The following TMEM63C variants were observed in gnomAD, a reference collection of about 807,000 sequenced individuals.
The protein encoded by TMEM63C is osmosensitive cation channel TMEM63C.
TMEM63C carries 32 observed loss-of-function variants against 99.2 expected under a neutral mutation model. The ratio of observed to expected loss-of-function variants is 0.32; its 90% CI spans 0.24 to 0.43. The LOEUF (loss-of-function observed/expected upper bound fraction) is 0.43, where lower values mean the gene tolerates loss of function less well. Ranked by LOEUF, TMEM63C falls within the 20% of genes least tolerant of loss-of-function variation. The probability of loss-of-function intolerance (pLI) is 1.00; values close to 1 mark genes in which losing one functional copy is unlikely to be tolerated. For synonymous variants in TMEM63C, 376 were observed against 397.9 expected (o/e 0.94, Z 0.66); for missense variants, 826 against 1,053.0 (o/e 0.78, Z 2.98).
At position 77,231,722 on chromosome 14, in the gene TMEM63C, C is replaced by T; in HGVS notation, c.485C>T (p.Ser162Phe). ...GIILPINYTGSVLDWSSHFAR... is the reference protein window; with the variant it reads ...GIILPINYTGFVLDWSSHFAR... The stretch of plus-strand genomic sequence containing the variant: ...ATTTTGCCCATCAACTATACTGGAT[C>T]TGTTCTGGGTAGGCAAAGCTCAGCT... Residue 162 changes from serine to phenylalanine, a missense_variant, in exon 7 of 24, where the codon TCT (serine) becomes TTT (phenylalanine). By Grantham distance (155) the Ser-to-Phe change is radical. Coordinates refer to ENST00000298351, the MANE Select transcript of TMEM63C (RefSeq NM_020431.4). 6.4e-7 allele frequency: 1 copy of T among 1,551,668 alleles called. No homozygotes were observed. The highest frequency in any genetic ancestry group is 1.2e-5 in the South Asian group (1 of 84,062).
At chr14:77,243,294 T>C (rs1035104758) in intron 15 of TMEM63C, among the ~76,000 whole-genome samples, 1 of 151,432 alleles carries the variant, frequency 6.6e-6, no homozygotes, top group African/African-American at 2.4e-5. Flanking sequence ...GAGTGGGGAG[T>C]CCACAGGCAG....
At chr14:77,246,799 C>G in intron 18 of TMEM63C, 125 bp downstream of exon 18, 3 of 735,512 alleles carry the variant, frequency 4.1e-6, no homozygotes, top group Non-Finnish European at 6.7e-6. Flanking sequence ...TGTGAACACC[C>G]TCACTGGGCA....
intron 1 of TMEM63C, among the ~76,000 whole-genome samples, chr14:77,202,517 C>A (rs1888315758): frequency 6.6e-6 from 1 of 152,174 alleles, no homozygotes. Context: ...AGGGGAGCAT[C>A]CTTACTTGCC....
At chr14:77,225,323 T>A in intron 5 of TMEM63C, 101 bp from the exon 6 acceptor site, 1 of 1,069,280 alleles carries the variant, frequency 9.4e-7, no homozygotes, top group Non-Finnish European at 1.3e-6. Flanking sequence ...CCCCGGACGC[T>A]GCCGCGGCTG....
At chr14:77,253,483 G>A in intron 23 of TMEM63C, 107 bp downstream of exon 23, 1 of 1,176,144 alleles carries the variant, frequency 8.5e-7, no homozygotes, top group Non-Finnish European at 1.2e-6. Flanking sequence ...TCTGGGTATG[G>A]GGAAGGAGAT....
Position 77,240,559 on chromosome 14 carries a change from C to T in TMEM63C, c.1015C>T (p.Arg339Trp), listed in dbSNP as rs776064361. The T allele has an allele frequency of 3.7e-6, 6 of 1,611,706 alleles. No individual in the cohort carries two copies. Among genetic ancestry groups the T allele is most frequent in the Non-Finnish European group, 5.1e-6 (6 of 1,179,864 alleles). ...NAELNRVPLKRLDLIFVTFQD... is the reference protein window; with the variant it reads ...NAELNRVPLKWLDLIFVTFQD... Reference sequence around the variant, plus strand: ...CGAGCTCAACCGCGTGCCGCTCAAGCGGCTGGACCTGATCTTTGTCACCTT... The same window carrying T: ...CGAGCTCAACCGCGTGCCGCTCAAGTGGCTGGACCTGATCTTTGTCACCTT... Residue 339 changes from arginine (R) to tryptophan (W), a missense_variant, in exon 13 of 24, where the codon CGG becomes TGG. Arg to Trp is a moderately radical substitution (Grantham distance 101). Coordinates refer to ENST00000298351, the MANE Select transcript of TMEM63C (RefSeq NM_020431.4).
In TMEM63C at chr14:77,249,284, C is replaced by A. The variant is rs186050451; in HGVS notation, c.1871-7C>A. On this transcript the variant is annotated splice_region_variant and splice_polypyrimidine_tract_variant and intron_variant, in intron 20 of 23. Transcript: ENST00000298351. ...CCACTGAGTAAGTTTCCACCTTTGT[C>A]CCCCAGGGTTGCTCTACCTGTGCAT... 5 of 1,613,526 alleles carry A rather than the reference C, an allele frequency of 3.1e-6. No homozygotes were observed. In the African/African-American group the frequency reaches 6.7e-5, roughly 22 times the overall value.
intron 6 of TMEM63C, 23 bp downstream of exon 6, chr14:77,225,484 C>T (rs760238036): frequency 1.3e-5 from 21 of 1,611,730 alleles, no homozygotes; most frequent in Non-Finnish European, 1.8e-5. Flanking sequence ...GCTCTGTGAG[C>T]TTGTGACCGT....
intron 23 of TMEM63C, among the ~76,000 whole-genome samples, chr14:77,254,540 T>A (rs1889429577): frequency 6.6e-6 from 1 of 152,198 alleles, no homozygotes; most frequent in African/African-American, 2.4e-5. Context: ...TAGCAATAAG[T>A]TTTTGAAATC....
chr14:77,196,417 C>T (rs894796440), intron 1 of TMEM63C, among the ~76,000 whole-genome samples: 13 of 152,364 alleles, frequency 8.5e-5, no homozygotes, highest in African/African-American at 2.9e-4. Flanking sequence ...GCAGAACGGC[C>T]TAACCCCATT....
At chr14:77,219,472 C>T in intron 3 of TMEM63C, 26 bp from the exon 4 acceptor site, 2 of 1,613,092 alleles carry the variant, frequency 1.2e-6, no homozygotes, top group Non-Finnish European at 8.5e-7. Flanking sequence ...AGTCTCCCAC[C>T]CCACATTGCT....
intron 1 of TMEM63C, among the ~76,000 whole-genome samples, chr14:77,211,213 G>A (rs138444993): frequency 3.6e-3 from 542 of 152,304 alleles, no homozygotes; most frequent in African/African-American, 0.012. Context: ...AGCAGCAGAG[G>A]CTCAGGGGCC....
At chr14:77,228,471 A>G (rs1476157167) in intron 6 of TMEM63C, among the ~76,000 whole-genome samples, 1 of 152,202 alleles carries the variant, frequency 6.6e-6, no homozygotes, top group Non-Finnish European at 1.5e-5. Context: ...AGAGCTCTAA[A>G]TAATTCCTCA....
chr14:77,186,795 G>GTC (rs1555345704), intron 1 of TMEM63C, among the ~76,000 whole-genome samples: 5 of 121,784 alleles, frequency 4.1e-5, no homozygotes, highest in African/African-American at 1.4e-4. Flanking sequence ...GTGTGTGTGT[G>GTC]TGTGTCTGTG....
intron 21 of TMEM63C, 94 bp downstream of exon 21, chr14:77,249,552 G>A (rs1889322886): frequency 1.0e-5 from 15 of 1,429,090 alleles, no homozygotes; most frequent in Non-Finnish European, 1.3e-5. Context: ...GAAAAGCCCA[G>A]GCAGGGCAAG....
At chr14:77,241,026 C>G (rs1889166659) in intron 13 of TMEM63C, among the ~76,000 whole-genome samples, 1 of 150,412 alleles carries the variant, frequency 6.6e-6, no homozygotes, top group Non-Finnish European at 1.5e-5. Flanking sequence ...TCTCAGCTCA[C>G]TACGACCTCT....
chr14:77,224,225 C>T (rs1456654789), intron 5 of TMEM63C, among the ~76,000 whole-genome samples: 2 of 151,980 alleles, frequency 1.3e-5, no homozygotes, highest in African/African-American at 2.4e-5. Context: ...TCTTTTGTGC[C>T]TTCTCAAAAG....
intron 23 of TMEM63C, among the ~76,000 whole-genome samples, chr14:77,254,754 A>AT (rs1889432272): frequency 6.6e-6 from 1 of 152,196 alleles, no homozygotes; most frequent in Admixed American, 6.5e-5. Context: ...ACTAGGATTT[A>AT]TTTTTTAAAT....
At chr14:77,220,187 A>G (rs1368669092) in intron 5 of TMEM63C, 100 bp downstream of exon 5, 1 of 1,168,920 alleles carries the variant, frequency 8.6e-7, no homozygotes, top group East Asian at 2.6e-5. Context: ...GGGGCTTTGT[A>G]ATCAGCCAGC....
Sources: gnomAD v4.1 joint callset for allele counts (sites outside exome capture counted in the v4.1 genomes callset) on GRCh38, gnomAD v4.1.1 for gene constraint, MANE v1.5 for transcripts, NCBI Gene and HGNC (gene_info 2026-07-23, HGNC 2026-07-21) for gene names.